The following TMPRSS9 variants were observed in gnomAD, a reference collection of about 807,000 sequenced individuals.
The protein encoded by TMPRSS9 is transmembrane serine protease 9, also known as transmembrane protease serine 9.
Under a neutral mutation model 111.4 loss-of-function variants are expected in TMPRSS9, and 113 were observed. The ratio of observed to expected loss-of-function variants is 1.01; its 90% CI spans 0.87 to 1.19. TMPRSS9 has a LOEUF of 1.19. Ranked by LOEUF, TMPRSS9 falls within the 50% of genes most tolerant of loss-of-function variation. TMPRSS9 has a pLI of 0.00. For synonymous variants in TMPRSS9, 805 were observed against 659.1 expected, an observed-to-expected ratio of 1.22 and a Z score of -3.39; for missense variants, 1,803 against 1,513.1, an observed-to-expected ratio of 1.19 and a Z score of -3.18.
chr19:2,390,799 G>T (rs1970573561), intron 1 of TMPRSS9, among the ~76,000 whole-genome samples: 1 of 151,646 alleles, frequency 6.6e-6, no homozygotes, highest in Non-Finnish European at 1.5e-5. Context: ...GTTGCAGTGA[G>T]CTGAGATCGC....
chr19:2,389,933 T>G lies in TMPRSS9; in HGVS notation c.142+6T>G. 1 of 1,602,448 alleles carries G rather than the reference T, an allele frequency of 6.2e-7. No individual in the cohort carries two copies. The highest frequency in any genetic ancestry group is 8.5e-7 in the Non-Finnish European group (1 of 1,170,396). On this transcript the variant is annotated splice_donor_region_variant and intron_variant, in intron 1 of 17. Coordinates refer to ENST00000648592, the Ensembl canonical transcript of TMPRSS9. ...CACCCTGGGAGTCCTTTTGGGTAAG[T>G]GGCTATGGGATTGGCTGGGTTCGCA...
chr19:2,398,479 A>C (rs1970755601), intron 2 of TMPRSS9, among the ~76,000 whole-genome samples: 1 of 151,718 alleles, frequency 6.6e-6, no homozygotes, highest in African/African-American at 2.4e-5. Context: ...TTAGTTGGGC[A>C]TGGTGGCGGG....
intron 1 of TMPRSS9, among the ~76,000 whole-genome samples, chr19:2,394,599 C>CTTTATT (rs10624788): frequency 0.95 from 143,600 of 151,760 alleles, 67,953 homozygotes; most frequent in East Asian, 1. Flanking sequence ...GCTCGTGTTT[C>CTTTATT]TTTAGTTTCT....
intron 1 of TMPRSS9, among the ~76,000 whole-genome samples, chr19:2,376,563 G>A (rs572877239): frequency 6.6e-6 from 1 of 152,154 alleles, no homozygotes; most frequent in South Asian, 2.1e-4. Flanking sequence ...AGGTTCAAGC[G>A]ATTCTTCTGC....
intron 6 of TMPRSS9, among the ~76,000 whole-genome samples, chr19:2,403,799 G>C (rs1004382006): frequency 4.6e-5 from 7 of 151,724 alleles, no homozygotes; most frequent in African/African-American, 1.2e-4. Flanking sequence ...CGAGACCATC[G>C]TGGCTAACAC....
At chr19:2,371,943 G>T (rs113832471) in intron 1 of TMPRSS9, among the ~76,000 whole-genome samples, 40 of 152,294 alleles carry the variant, frequency 2.6e-4, no homozygotes, top group African/African-American at 9.1e-4. Flanking sequence ...CATCAATGCT[G>T]ATGGTTCATG....
At chr19:2,413,741 C>A (rs1282787942) in exon 10 of TMPRSS9, 2 of 1,613,774 alleles carry the variant, frequency 1.2e-6, no homozygotes, top group East Asian at 4.5e-5. Context: ...AGCCCTCTGG[C>A]CGGTTCTTTC....
intron 4 of TMPRSS9, among the ~76,000 whole-genome samples, chr19:2,399,642 G>A (rs1970787406): frequency 6.6e-6 from 1 of 151,990 alleles, no homozygotes; most frequent in African/African-American, 2.4e-5. Context: ...TGGATAAGGG[G>A]TCAGCCATCT....
intron 8 of TMPRSS9, among the ~76,000 whole-genome samples, chr19:2,409,672 A>G (rs11880322): frequency 0.017 from 2,620 of 152,006 alleles, 55 homozygotes; most frequent in East Asian, 0.081. Context: ...AAGTCAGGCA[A>G]ATTCTGCAGG....
chr19:2,418,266 G>GTTCCTTCCCTCCTTTTCCTTCCCTCCC (rs1971303202), intron 13 of TMPRSS9, 128 bp downstream of exon 14: 1 of 654,140 alleles, frequency 1.5e-6, no homozygotes, highest in African/African-American at 5.6e-5. Context: ...TTCCCTCCTT[G>GTTCCTTCCCTCCTTTTCCTTCCCTCCC]TCCTTCCCTC....
intron 6 of TMPRSS9, among the ~76,000 whole-genome samples, chr19:2,405,081 A>G (rs1970940120): frequency 6.6e-6 from 1 of 152,140 alleles, no homozygotes; most frequent in Non-Finnish European, 1.5e-5. Flanking sequence ...CTATACAAAC[A>G]TGTACGTGGG....
intron 7 of TMPRSS9, among the ~76,000 whole-genome samples, chr19:2,406,351 G>C (rs1970970569): frequency 6.8e-6 from 1 of 147,176 alleles, no homozygotes; most frequent in Non-Finnish European, 1.5e-5. Flanking sequence ...TTTTGAGACA[G>C]AGTCTCAGTC....
chr19:2,401,670 T>C (rs1187970540), intron 4 of TMPRSS9, among the ~76,000 whole-genome samples: 3 of 151,284 alleles, frequency 2.0e-5, no homozygotes, highest in Non-Finnish European at 4.4e-5. Context: ...TACAATGGTG[T>C]GATCTCGGCT....
chr19:2,408,472 C>G, exon 8 of TMPRSS9: 2 of 1,613,936 alleles, frequency 1.2e-6, no homozygotes, highest in Non-Finnish European at 1.7e-6. Context: ...CTGTACAACG[C>G]GGACACGGCC....
chr19:2,389,208 G>C (rs1443652917), upstream of TMPRSS9, among the ~76,000 whole-genome samples: 2 of 143,294 alleles, frequency 1.4e-5, no homozygotes, highest in Non-Finnish European at 3.1e-5. Flanking sequence ...CGAGTAGCTG[G>C]GATTACAGGC....
chr19:2,362,640 A>C (rs1000949833), intron 1 of TMPRSS9, among the ~76,000 whole-genome samples: 1 of 152,074 alleles, frequency 6.6e-6, no homozygotes, highest in Non-Finnish European at 1.5e-5. Context: ...ATGACTGTGT[A>C]TGGTGGAGTT....
rs1971227597 is a variant in TMPRSS9, at chr19:2,416,240, C to T, written c.1746-298C>T. 6.5e-6 allele frequency: 3 copies of T among 461,496 alleles called. No individual in the cohort carries two copies. The South Asian group carries it at 1.2e-4, about 19-fold the overall frequency. 28.6% of individuals were successfully genotyped at this position (461,496 alleles called of 1,614,324 possible). On this transcript the variant is annotated intron_variant, in intron 11 of 17. Coordinates refer to ENST00000648592, the Ensembl canonical transcript of TMPRSS9. ...GCAACAGAGCGAGACCCTGTCTCAACAAAAAAGAGACTCATAAAGCTGTAG... is the reference window on the plus strand; with the variant it reads ...GCAACAGAGCGAGACCCTGTCTCAATAAAAAAGAGACTCATAAAGCTGTAG...
exon 2 of TMPRSS9, chr19:2,396,554 A>G (rs759184472): frequency 6.2e-7 from 1 of 1,609,048 alleles, no homozygotes; most frequent in South Asian, 1.1e-5. Context: ...CTCTCTACAC[A>G]GGGCTTCCAC....
chr19:2,366,686 C>T (rs896677290), intron 1 of TMPRSS9, among the ~76,000 whole-genome samples: 12 of 151,036 alleles, frequency 7.9e-5, no homozygotes, highest in African/African-American at 1.2e-4. Flanking sequence ...TGAAACCCCA[C>T]CTCTACTAAA....
Sources: allele counts gnomAD v4.1 joint callset (sites outside exome capture counted in the v4.1 genomes callset), GRCh38; gene constraint gnomAD v4.1.1; transcripts MANE v1.5; gene names NCBI Gene and HGNC (gene_info 2026-07-23, HGNC 2026-07-21).